The following PHF14 variants were observed in gnomAD, a reference collection of about 807,000 sequenced individuals.
PHF14 encodes the protein PHD finger protein 14.
A neutral mutation model predicts 117.9 loss-of-function variants in PHF14; 55 were observed. That is an observed-to-expected ratio of 0.47 (90% CI 0.38 to 0.58). The LOEUF is 0.58. Among genes scored for constraint, PHF14 ranks in the 20% least tolerant of loss-of-function variants. PHF14 has a pLI of 0.00. For synonymous variants in PHF14, 409 were observed against 368.6 expected, an observed-to-expected ratio of 1.11 and a Z score of -1.26; for missense variants, 978 against 1,122.2, an observed-to-expected ratio of 0.87 and a Z score of 1.84.
intron 4 of PHF14, among the ~76,000 whole-genome samples, chr7:10,992,853 T>C (rs1191590199): frequency 6.6e-6 from 1 of 152,240 alleles, no homozygotes; most frequent in Non-Finnish European, 1.5e-5. Context: ...TTAATCGTCA[T>C]GTCTGTTTAG....
intron 16 of PHF14, chr7:11,105,023 A>G (rs1787213193): frequency 1.1e-6 from 1 of 900,660 alleles, no homozygotes; most frequent in Non-Finnish European, 1.3e-6. Context: ...TTAATTTTAT[A>G]AAATTTAGTT....
chr7:11,008,908 C>T (rs1210951410), intron 4 of PHF14, among the ~76,000 whole-genome samples: 3 of 151,450 alleles, frequency 2.0e-5, no homozygotes, highest in African/African-American at 4.9e-5. Flanking sequence ...TGGTGGTGGG[C>T]GCCTGTAGTC....
chr7:11,030,169 T>C (rs1784073790), intron 7 of PHF14, among the ~76,000 whole-genome samples: 1 of 150,938 alleles, frequency 6.6e-6, no homozygotes, highest in Admixed American at 6.7e-5. Context: ...TAGGTAGACA[T>C]AGAGTTATAA....
chr7:11,160,279 T>C (rs1208381716), intron 17 of PHF14, among the ~76,000 whole-genome samples: 1 of 152,180 alleles, frequency 6.6e-6, no homozygotes, highest in Non-Finnish European at 1.5e-5. Context: ...GGTATATATG[T>C]ACATTTTCTT....
chr7:11,077,419 G>A (rs1164365663), intron 16 of PHF14, among the ~76,000 whole-genome samples: 4 of 151,736 alleles, frequency 2.6e-5, no homozygotes, highest in Non-Finnish European at 5.9e-5. Flanking sequence ...TGGCCAACGT[G>A]GTAAAACCCC....
chr7:11,140,669 G>C (rs1562483563), intron 17 of PHF14, among the ~76,000 whole-genome samples: 3 of 151,930 alleles, frequency 2.0e-5, no homozygotes, highest in African/African-American at 7.3e-5. Context: ...AATATTTAAA[G>C]AGACTACCAT....
At chr7:11,168,286 A>G (rs1196131868) in intron 17 of PHF14, among the ~76,000 whole-genome samples, 1 of 152,156 alleles carries the variant, frequency 6.6e-6, no homozygotes, top group Non-Finnish European at 1.5e-5. Context: ...TAATTTCTCT[A>G]CTTTCCCAGT....
At chr7:11,050,821 T>G (rs563759149) in intron 13 of PHF14, among the ~76,000 whole-genome samples, 50 of 152,306 alleles carry the variant, frequency 3.3e-4, no homozygotes, top group South Asian at 1.4e-3. Flanking sequence ...TTAGAAGTAG[T>G]AGGGGCCACC....
At chr7:11,045,195 T>C (rs1784625606) in intron 13 of PHF14, among the ~76,000 whole-genome samples, 1 of 152,216 alleles carries the variant, frequency 6.6e-6, no homozygotes, top group African/African-American at 2.4e-5. Flanking sequence ...GTTAGACATT[T>C]ACTAGCATAT....
chr7:11,080,311 G>A (rs3801444), intron 16 of PHF14, among the ~76,000 whole-genome samples: 53,929 of 151,924 alleles, frequency 0.35, 10,220 homozygotes, highest in East Asian at 0.74. Context: ...GTGCATACTT[G>A]TTAACATCTC....
intron 16 of PHF14, among the ~76,000 whole-genome samples, chr7:11,074,686 C>G (rs147275382): frequency 1.3e-5 from 2 of 152,172 alleles, no homozygotes; most frequent in African/African-American, 4.8e-5. Flanking sequence ...CAAAATATAG[C>G]CAAGTTCTTT....
chr7:11,072,320 G>A (rs1038671426), intron 16 of PHF14, among the ~76,000 whole-genome samples: 5 of 152,028 alleles, frequency 3.3e-5, no homozygotes, highest in African/African-American at 9.7e-5. Flanking sequence ...CCAAGAGGAT[G>A]GTATAAACCA....
At chr7:11,034,229 C>A (rs1484988803) in intron 7 of PHF14, among the ~76,000 whole-genome samples, 1 of 151,794 alleles carries the variant, frequency 6.6e-6, no homozygotes, top group Admixed American at 6.6e-5. Flanking sequence ...TAAAACTCTA[C>A]TTAGAGACAC....
At chr7:11,031,290 C>T (rs1784113824) in intron 7 of PHF14, among the ~76,000 whole-genome samples, 1 of 152,014 alleles carries the variant, frequency 6.6e-6, no homozygotes, top group Admixed American at 6.6e-5. Context: ...AGCCTTCTGA[C>T]ATAGTCCTTT....
At chr7:11,125,798 A>T (rs1230398693) in intron 17 of PHF14, among the ~76,000 whole-genome samples, 1 of 152,026 alleles carries the variant, frequency 6.6e-6, no homozygotes, top group Non-Finnish European at 1.5e-5. Flanking sequence ...ACCTATTTTA[A>T]TATTTTCTCT....
chr7:11,062,219 G>GA (rs1474662343), intron 16 of PHF14, 134 bp downstream of exon 16: 2 of 648,028 alleles, frequency 3.1e-6, no homozygotes, highest in Non-Finnish European at 4.9e-6. Flanking sequence ...CAGTACTTTA[G>GA]AAACAGATTT....
intron 17 of PHF14, among the ~76,000 whole-genome samples, chr7:11,120,516 G>C (rs1787718682): frequency 6.6e-6 from 1 of 152,008 alleles, no homozygotes; most frequent in Non-Finnish European, 1.5e-5. Flanking sequence ...GGAAGGTCAA[G>C]TCTAACTTTT....
intron 4 of PHF14, among the ~76,000 whole-genome samples, chr7:10,997,185 T>C (rs1172518863): frequency 1.3e-5 from 2 of 152,232 alleles, no homozygotes; most frequent in Non-Finnish European, 2.9e-5. Context: ...GATCTCATTT[T>C]GTTTCTCTAT....
intron 16 of PHF14, among the ~76,000 whole-genome samples, chr7:11,089,810 G>T (rs1413481091): frequency 3.5e-5 from 4 of 115,416 alleles, no homozygotes; most frequent in African/African-American, 1.3e-4. Context: ...CACTCTTGTT[G>T]CCCAGGCTGG....
Sources: allele counts gnomAD v4.1 joint callset (sites outside exome capture counted in the v4.1 genomes callset), GRCh38; gene constraint gnomAD v4.1.1; transcripts MANE v1.5; gene names NCBI Gene and HGNC (gene_info 2026-07-23, HGNC 2026-07-21).